The following UVRAG variants were observed in gnomAD, a reference collection of about 807,000 sequenced individuals.
UVRAG encodes UV radiation resistance-associated gene protein.
Under a neutral mutation model 78.0 loss-of-function variants are expected in UVRAG, and 19 were observed. The observed-to-expected ratio is 0.24, with a 90% CI of 0.17 to 0.36. The LOEUF is 0.36. UVRAG is among the 10% of genes least tolerant of loss of function. The pLI is 1.00. For missense variants in UVRAG, 740 were observed against 853.8 expected, an observed-to-expected ratio of 0.87 and a Z score of 1.66; for synonymous variants, 323 against 324.6, an observed-to-expected ratio of 1.00 and a Z score of 0.05.
At chr11:76,113,641 C>T (rs1591252748) in intron 13 of UVRAG, among the ~76,000 whole-genome samples, 1 of 151,516 alleles carries the variant, frequency 6.6e-6, no homozygotes, top group East Asian at 1.9e-4. Context: ...TTTGAGTTCC[C>T]TATGTGGAAA....
chr11:75,816,323 C>A (rs1190597856), intron 1 of UVRAG, among the ~76,000 whole-genome samples: 2 of 152,228 alleles, frequency 1.3e-5, no homozygotes, highest in Non-Finnish European at 2.9e-5. Flanking sequence ...ACTCACATAT[C>A]TGTAGAGTAC....
intron 3 of UVRAG, among the ~76,000 whole-genome samples, chr11:75,877,529 C>T (rs535625336): frequency 4.8e-5 from 7 of 146,328 alleles, no homozygotes; most frequent in Non-Finnish European, 9.1e-5. Context: ...CCACCTCCCT[C>T]CCGGACGGGG....
intron 6 of UVRAG, among the ~76,000 whole-genome samples, chr11:75,929,087 A>G (rs1318550184): frequency 6.6e-6 from 1 of 152,162 alleles, no homozygotes; most frequent in East Asian, 1.9e-4. Flanking sequence ...AAATGATTGA[A>G]CAATTATAAT....
chr11:75,919,728 ACTGT>A (rs1350241647), intron 6 of UVRAG, among the ~76,000 whole-genome samples: 2 of 152,174 alleles, frequency 1.3e-5, no homozygotes, highest in Non-Finnish European at 2.9e-5. Context: ...TTATGAGTGC[ACTGT>A]CTTAGTTTTT....
chr11:75,992,547 G>A lies in UVRAG; in HGVS notation c.826+9034G>A, dbSNP rs114311161. ...TTGGCTTCACTCTTATTCCCATTGC[G>A]AATGTTTGTGGGCTGTGGTGATCGG... On this transcript the variant is annotated intron_variant, in intron 8 of 14. Coordinates refer to ENST00000356136, the MANE Select transcript of UVRAG (RefSeq NM_003369.4). Among the ~76,000 whole-genome samples, 501 of 152,172 alleles carry A rather than the reference G, an allele frequency of 3.3e-3. 2 individuals are homozygous for A. Among genetic ancestry groups the A allele is most frequent in the African/African-American group, 0.011 (467 of 41,536 alleles).
intron 1 of UVRAG, among the ~76,000 whole-genome samples, chr11:75,816,590 G>A (rs1245369446): frequency 6.6e-6 from 1 of 152,204 alleles, no homozygotes; most frequent in Non-Finnish European, 1.5e-5. Context: ...TGGCAGTTGA[G>A]GAAACTGAGG....
chr11:75,875,973 A>G (rs1946767477), intron 3 of UVRAG, among the ~76,000 whole-genome samples: 1 of 152,206 alleles, frequency 6.6e-6, no homozygotes, highest in East Asian at 1.9e-4. Flanking sequence ...CATGACTTAG[A>G]GACCAGTGTG....
At chr11:75,904,044 C>T (rs186577156) in intron 5 of UVRAG, among the ~76,000 whole-genome samples, 41 of 152,130 alleles carry the variant, frequency 2.7e-4, no homozygotes, top group South Asian at 1.0e-3. Flanking sequence ...GTATAGCTTG[C>T]GACTAAGAAT....
chr11:76,003,953 A>T, intron 8 of UVRAG, 52 bp from the exon 9 acceptor site: 1 of 1,548,172 alleles, frequency 6.5e-7, no homozygotes, highest in Non-Finnish European at 8.9e-7. Flanking sequence ...TTTGGTTGTG[A>T]TTGAGTAATC....
chr11:76,066,692 C>G (rs367775139), intron 13 of UVRAG, among the ~76,000 whole-genome samples: 42 of 152,216 alleles, frequency 2.8e-4, no homozygotes, highest in African/African-American at 1.0e-3. Flanking sequence ...CAGATGGTCT[C>G]GATCTGCTGA....
intron 11 of UVRAG, among the ~76,000 whole-genome samples, chr11:76,012,523 C>G (rs1184735525): frequency 6.6e-6 from 1 of 152,110 alleles, no homozygotes; most frequent in Non-Finnish European, 1.5e-5. Flanking sequence ...TATTCTATAG[C>G]AGCTGCTTTC....
intron 12 of UVRAG, among the ~76,000 whole-genome samples, chr11:76,045,040 A>G (rs972441137): frequency 2.0e-5 from 3 of 152,200 alleles, no homozygotes; most frequent in African/African-American, 7.2e-5. Flanking sequence ...TGAGTCGGGT[A>G]TGTCTGGAAG....
At chr11:76,003,449 GACCTCAA>G (rs1240039207) in intron 8 of UVRAG, among the ~76,000 whole-genome samples, 1 of 151,682 alleles carries the variant, frequency 6.6e-6, no homozygotes, top group East Asian at 1.9e-4. Context: ...TCGAACTCCT[GACCTCAA>G]GTGATCTGCC....
chr11:76,021,025 A>G (rs944608881), intron 12 of UVRAG, among the ~76,000 whole-genome samples: 2 of 152,082 alleles, frequency 1.3e-5, no homozygotes, highest in Admixed American at 6.5e-5. Flanking sequence ...GCAAAGTACC[A>G]CAATCGCTGT....
intron 12 of UVRAG, among the ~76,000 whole-genome samples, chr11:76,043,380 TAATA>T (rs1292107165): frequency 6.6e-6 from 1 of 152,210 alleles, no homozygotes; most frequent in African/African-American, 2.4e-5. Context: ...TATATTCATT[TAATA>T]AATACTTAGT....
chr11:75,868,482 T>C (rs1946581122), intron 3 of UVRAG, among the ~76,000 whole-genome samples: 1 of 152,134 alleles, frequency 6.6e-6, no homozygotes, highest in African/African-American at 2.4e-5. Context: ...TTGGAAGGCA[T>C]AGCATTACAA....
chr11:76,140,411 C>T (rs1050160135), intron 14 of UVRAG, among the ~76,000 whole-genome samples: 1 of 152,066 alleles, frequency 6.6e-6, no homozygotes, highest in African/African-American at 2.4e-5. Flanking sequence ...TCCAGCCTGT[C>T]CAGTTACTTC....
chr11:75,863,917 A>AT (rs1946479561), intron 3 of UVRAG, among the ~76,000 whole-genome samples: 1 of 152,146 alleles, frequency 6.6e-6, no homozygotes, highest in African/African-American at 2.4e-5. Flanking sequence ...GTATGTCTTT[A>AT]TATCCCCTTA....
chr11:76,019,279 C>T (rs1190192973), intron 12 of UVRAG, among the ~76,000 whole-genome samples: 2 of 152,184 alleles, frequency 1.3e-5, no homozygotes, highest in East Asian at 1.9e-4. Context: ...TTCCACAAAA[C>T]GGCTATTTTG....
Sources: allele counts gnomAD v4.1 joint callset (sites outside exome capture counted in the v4.1 genomes callset), GRCh38; gene constraint gnomAD v4.1.1; transcripts MANE v1.5; gene names NCBI Gene and HGNC (gene_info 2026-07-23, HGNC 2026-07-21).